Variants in MYO10 observed in about 807,000 individuals in gnomAD.
The protein encoded by MYO10 is unconventional myosin-X.
MYO10 carries 133 observed loss-of-function variants against 257.3 expected under a neutral mutation model. The ratio of observed to expected loss-of-function variants is 0.52; its 90% CI spans 0.45 to 0.60. The LOEUF is 0.60. Ranked by LOEUF, MYO10 falls within the 20% of genes least tolerant of loss-of-function variation. MYO10 has a pLI of 0.00. For missense variants in MYO10, 2,399 were observed against 2,635.7 expected (o/e 0.91, Z 1.97); for synonymous variants, 1,104 against 1,028.6 (o/e 1.07, Z -1.40).
chr5:16,785,930 G>A (rs948848963), intron 4 of MYO10, among the ~76,000 whole-genome samples: 2 of 151,882 alleles, frequency 1.3e-5, no homozygotes, highest in African/African-American at 4.8e-5. Context: ...GTAACAAGGG[G>A]ACCAAGTGTA....
chr5:16,680,872 GTAGTCC>G (rs1184203187), intron 32 of MYO10, among the ~76,000 whole-genome samples: 1 of 152,140 alleles, frequency 6.6e-6, no homozygotes, highest in Non-Finnish European at 1.5e-5. Flanking sequence ...GTGCGTGCCT[GTAGTCC>G]TAGCTACTCC....
chr5:16,663,325 GTTGTTTTTTTTTTTTT>G lies in MYO10; in HGVS notation c.*3351_*3366del, dbSNP rs1304404980. On this transcript the variant is annotated 3_prime_UTR_variant, in exon 41 of 41. Transcript: ENST00000513610. ...GGAAAAAAGTAACATTTTACTTCTAGTTGTTTTTTTTTTTTTTTTTTTTTTTTTTTTTTTTTTTTTT... is the reference window on the plus strand; with the variant it reads ...GGAAAAAAGTAACATTTTACTTCTAGTTTTTTTTTTTTTTTTTTTTTTTTT... The G allele has an allele frequency of 2.4e-5, 1 of 41,304 alleles. No homozygotes were observed. Among genetic ancestry groups the G allele is most frequent in the Non-Finnish European group, 4.2e-5 (1 of 23,536 alleles). 2.6% of individuals were successfully genotyped at this position (41,304 alleles called of 1,614,324 possible). A position where few individuals can be genotyped will look rare whatever the true frequency, so the allele number is the denominator to read the frequency against.
At chr5:16,920,978 C>T (rs1332169786) in intron 1 of MYO10, among the ~76,000 whole-genome samples, 3 of 151,850 alleles carry the variant, frequency 2.0e-5, no homozygotes, top group Middle Eastern at 3.4e-3. Flanking sequence ...TTAGTTGGGG[C>T]GTGGTGGTGG....
chr5:16,725,682 G>A (rs1462807038), intron 19 of MYO10, among the ~76,000 whole-genome samples: 6 of 152,136 alleles, frequency 3.9e-5, no homozygotes, highest in African/African-American at 1.4e-4. Context: ...GAGGTGGGTA[G>A]GGCAGCCATT....
At position 16,936,216 on chromosome 5, in the gene MYO10, C is replaced by G. The variant is rs571443827; in HGVS notation, c.-408G>C. ...AGCGGGCCGCAAAGTGAGCAGGAGC[C>G]GCGATCCCCGCGCGAGCGCTTGGAG... On this transcript the variant is annotated 5_prime_UTR_variant, in exon 1 of 41. Transcript: ENST00000513610. 64 of 198,856 alleles carry G rather than the reference C, an allele frequency of 3.2e-4. No individual in the cohort carries two copies. The South Asian group carries it at 5.0e-3, about 16-fold the overall frequency. 12.3% of individuals were successfully genotyped at this position (198,856 alleles called of 1,614,324 possible).
In MYO10 at chr5:16,701,086, G is replaced by T; in HGVS notation, c.3309C>A (p.Ser1103=). The change falls in exon 25 of 41, where the codon TCC becomes TCA. Residue 1103 remains serine, a synonymous_variant. Transcript: ENST00000513610. This position sits in a 1 kb window ranked among gnomAD's most constrained non-coding sequence, Gnocchi z 8.1. ...QDDYEDGAIT[S]GSSVTFSNSY... is the part of the protein sequence containing the mutation. ...AGTTGGAGAAGGTCACGCTGCTGCC[G>T]GAAGTGATGGCACCGTCCTCATAGT... 6.3e-7 allele frequency: 1 copy of T among 1,582,184 alleles called. No individual in the cohort carries two copies. Among genetic ancestry groups the T allele is most frequent in the East Asian group, 2.3e-5 (1 of 43,086 alleles).
intron 19 of MYO10, among the ~76,000 whole-genome samples, chr5:16,730,602 G>A (rs780181103): frequency 2.0e-5 from 3 of 152,122 alleles, no homozygotes; most frequent in Admixed American, 1.3e-4. Context: ...CAGCTGGTAC[G>A]GGATGCCAAA....
intron 14 of MYO10, among the ~76,000 whole-genome samples, chr5:16,762,896 G>A (rs1436101810): frequency 2.0e-5 from 3 of 151,550 alleles, no homozygotes; most frequent in Non-Finnish European, 4.4e-5. Context: ...CCTGGGAGAC[G>A]GAGGTTGCAG....
chr5:16,723,000 A>T (rs552422942), intron 19 of MYO10, among the ~76,000 whole-genome samples: 1 of 152,378 alleles, frequency 6.6e-6, no homozygotes, highest in South Asian at 2.1e-4. Context: ...TTTTAAAATA[A>T]GCAAAAGATC....
At chr5:16,726,482 A>T (rs1247334106) in intron 19 of MYO10, among the ~76,000 whole-genome samples, 2 of 152,158 alleles carry the variant, frequency 1.3e-5, no homozygotes, top group Non-Finnish European at 2.9e-5. Flanking sequence ...CAGATGCATA[A>T]CCTGAAGTGC....
chr5:16,870,628 C>A lies in MYO10; in HGVS notation c.120+6981G>T, dbSNP rs189052197. ...AAATTTCGCAGCAGGCACGGTGACTCACACCTGTAATCCCAGCACTTTGGG... is the reference window on the plus strand; with the variant it reads ...AAATTTCGCAGCAGGCACGGTGACTAACACCTGTAATCCCAGCACTTTGGG... On this transcript the variant is annotated intron_variant, in intron 2 of 40. Coordinates refer to ENST00000513610, the MANE Select transcript of MYO10 (RefSeq NM_012334.3). Among the ~76,000 whole-genome samples the A allele has an allele frequency of 1.3e-4, 20 of 152,200 alleles. No homozygotes were observed. In the East Asian group the frequency reaches 3.7e-3, roughly 28 times the overall value.
chr5:16,697,430 G>A (rs28563915), intron 26 of MYO10, among the ~76,000 whole-genome samples: 11 of 152,152 alleles, frequency 7.2e-5, no homozygotes, highest in Non-Finnish European at 1.3e-4. Context: ...GGCTGGGCGC[G>A]GTGGCTCACT....
At chr5:16,824,889 CA>C (rs1243001699) in intron 2 of MYO10, among the ~76,000 whole-genome samples, 2 of 151,854 alleles carry the variant, frequency 1.3e-5, no homozygotes, top group African/African-American at 2.4e-5. Flanking sequence ...CAAAACAAAA[CA>C]AAAAAACTTT....
chr5:16,719,989 C>CATGTGT (rs1554039263), intron 19 of MYO10, among the ~76,000 whole-genome samples: 128 of 143,550 alleles, frequency 8.9e-4, no homozygotes, highest in Middle Eastern at 3.5e-3. Flanking sequence ...TGTGTGCGTG[C>CATGTGT]GTGTGTGTGT....
At chr5:16,687,680 GACT>G (rs1340615436) in intron 28 of MYO10, among the ~76,000 whole-genome samples, 1 of 151,870 alleles carries the variant, frequency 6.6e-6, no homozygotes, top group Admixed American at 6.6e-5. Flanking sequence ...AGAAAAATGT[GACT>G]ACAAGCTTGA....
chr5:16,868,519 G>A (rs1353697012), intron 2 of MYO10, among the ~76,000 whole-genome samples: 5 of 152,034 alleles, frequency 3.3e-5, no homozygotes, highest in East Asian at 1.9e-4. Context: ...CAGGAGAATC[G>A]CTTGAACCCG....
Position 16,701,091 on chromosome 5 carries a change from T to A in MYO10, c.3304A>T (p.Thr1102Ser). ...DQDDYEDGAI[T>S]SGSSVTFSNS... ...GAGAAGGTCACGCTGCTGCCGGAAG[T>A]GATGGCACCGTCCTCATAGTCATCC... Residue 1102 changes from threonine (T) to serine (S), a missense_variant, in exon 25 of 41, where the codon ACT (threonine) becomes TCT (serine). Physicochemically the swap from Thr to Ser is moderately conservative, Grantham distance 58. Coordinates refer to ENST00000513610, the MANE Select transcript of MYO10 (RefSeq NM_012334.3). The surrounding 1 kb of genome is among the most constrained non-coding windows in gnomAD (Gnocchi z 8.1). 1 of 1,584,470 alleles carries A rather than the reference T, an allele frequency of 6.3e-7. No homozygotes were observed. Among genetic ancestry groups the A allele is most frequent in the Admixed American group, 1.8e-5 (1 of 55,068 alleles).
chr5:16,761,973 G>C (rs1740725485), intron 16 of MYO10, 72 bp downstream of exon 16: 2 of 1,412,910 alleles, frequency 1.4e-6, no homozygotes, highest in Admixed American at 6.1e-5. Flanking sequence ...ATTCATGATT[G>C]GCTTCTGAAA....
intron 1 of MYO10, among the ~76,000 whole-genome samples, chr5:16,889,528 A>G (rs1744989899): frequency 9.8e-6 from 1 of 101,550 alleles, no homozygotes; most frequent in East Asian, 3.1e-4. Context: ...GGAAGGAAGG[A>G]AGGAAGGGCG....
Sources: allele counts gnomAD v4.1 joint callset (sites outside exome capture counted in the v4.1 genomes callset), GRCh38; gene constraint gnomAD v4.1.1; non-coding constraint Gnocchi (gnomAD v3.1); transcripts MANE v1.5; gene names NCBI Gene and HGNC (gene_info 2026-07-23, HGNC 2026-07-21).